The following EHF variants were observed in gnomAD, a reference collection of about 807,000 sequenced individuals.
EHF encodes ETS homologous factor, also known as ESE3 transcription factor.
Under a neutral mutation model 45.1 loss-of-function variants are expected in EHF, and 14 were observed. The observed-to-expected ratio is 0.31, with a 90% CI of 0.21 to 0.49. The LOEUF (loss-of-function observed/expected upper bound fraction) is 0.49, where lower values mean the gene tolerates loss of function less well. Among genes scored for constraint, EHF ranks in the 20% least tolerant of loss-of-function variants. EHF has a pLI of 0.99. For synonymous variants in EHF, 136 were observed against 131.8 expected (o/e 1.03, Z -0.22); for missense variants, 282 against 371.4 (o/e 0.76, Z 1.98).
chr11:34,646,336 T>C, intron 2 of EHF, 103 bp from the exon 3 acceptor site: 1 of 1,545,908 alleles, frequency 6.5e-7, no homozygotes. Context: ...CGGACTGTGG[T>C]TGTGTCTCTG....
chr11:34,632,473 C>T, intron 1 of EHF: 4 of 1,518,190 alleles, frequency 2.6e-6, no homozygotes, highest in Non-Finnish European at 3.5e-6. Context: ...CAACCCACTG[C>T]TTTATTCTGC....
At chr11:34,645,319 C>CTTG (rs1565036701) in intron 2 of EHF, among the ~76,000 whole-genome samples, 8 of 152,276 alleles carry the variant, frequency 5.3e-5, no homozygotes, top group East Asian at 1.9e-4. Flanking sequence ...TCATTGGCAT[C>CTTG]TGAATGTACC....
chr11:34,628,296 T>C (rs1185623615), intron 1 of EHF, among the ~76,000 whole-genome samples: 1 of 152,168 alleles, frequency 6.6e-6, no homozygotes, highest in East Asian at 1.9e-4. Flanking sequence ...CATAATATGA[T>C]ATCACACATT....
At chr11:34,627,388 C>T (rs1852474175) in intron 1 of EHF, among the ~76,000 whole-genome samples, 1 of 152,048 alleles carries the variant, frequency 6.6e-6, no homozygotes, top group African/African-American at 2.4e-5. Context: ...TAGGGACCTG[C>T]AGAAAATACT....
In EHF at chr11:34,658,529, T is replaced by A. The variant is rs994665794; in HGVS notation, c.608-4T>A. On this transcript the variant is annotated splice_region_variant and splice_polypyrimidine_tract_variant and intron_variant, in intron 7 of 8. Coordinates refer to ENST00000257831, the MANE Select transcript of EHF (RefSeq NM_012153.6). ...TAGTAACCTGCCTTTCTGCTTTTCATCAGACCCGAGAGGGACTCACTTATG... is the reference window on the plus strand; with the variant it reads ...TAGTAACCTGCCTTTCTGCTTTTCAACAGACCCGAGAGGGACTCACTTATG... 3 of 1,609,786 alleles carry A rather than the reference T, an allele frequency of 1.9e-6. No homozygotes were observed. The highest frequency in any genetic ancestry group is 2.5e-6 in the Non-Finnish European group (3 of 1,177,380).
intron 7 of EHF, 54 bp from the exon 8 acceptor site, chr11:34,658,479 C>CT (rs1855862786): frequency 6.0e-6 from 9 of 1,493,216 alleles, no homozygotes; most frequent in Non-Finnish European, 8.3e-6. Context: ...GCTCTCTGCC[C>CT]TATCTTTGCT....
In EHF at chr11:34,659,070, G is replaced by T; in HGVS notation, c.*139G>T. ...GGGGAACAAGAAACTACTTCTAACG[G>T]GAAGAAGAAACACTACGGTCGATTA... On this transcript the variant is annotated 3_prime_UTR_variant, in exon 9 of 9. Coordinates refer to ENST00000257831, the MANE Select transcript of EHF (RefSeq NM_012153.6). 1.6e-6 allele frequency: 1 copy of T among 642,442 alleles called. No individual in the cohort carries two copies. Among genetic ancestry groups the T allele is most frequent in the Non-Finnish European group, 2.6e-6 (1 of 387,898 alleles). The allele number at this position is 642,442 out of a possible 1,614,324, so 39.8% of individuals were successfully genotyped here.
chr11:34,651,418 C>T, intron 4 of EHF, 124 bp from the exon 5 acceptor site: 1 of 736,842 alleles, frequency 1.4e-6, no homozygotes. Flanking sequence ...GAATCATATC[C>T]CTTGTCTCTG....
At chr11:34,632,777 G>T in intron 1 of EHF, 1 of 1,181,612 alleles carries the variant, frequency 8.5e-7, no homozygotes, top group East Asian at 2.6e-5. Context: ...TATTTTGGAA[G>T]CCGTGTCCTT....
intron 1 of EHF, chr11:34,632,725 A>C (rs1487753501): frequency 4.0e-6 from 6 of 1,500,792 alleles, no homozygotes; most frequent in Non-Finnish European, 9.0e-7. Context: ...TCACAACAGG[A>C]GGTGGGGAAT....
Position 34,635,807 on chromosome 11 carries a change from C to A in EHF, c.-3-6821C>A, listed in dbSNP as rs568999800. Among the ~76,000 whole-genome samples, 4 of 150,534 alleles carry A rather than the reference C, an allele frequency of 2.7e-5. No homozygotes were observed. The South Asian group carries it at 8.5e-4, about 32-fold the overall frequency. ...GCATATGCCTTACCACTGTTCTTGG[C>A]AGCCTTGGCAATGTGTCTAGTGAGA... On this transcript the variant is annotated intron_variant, in intron 1 of 8. Coordinates refer to ENST00000257831, the MANE Select transcript of EHF (RefSeq NM_012153.6).
At chr11:34,641,315 G>A (rs919884632) in intron 1 of EHF, among the ~76,000 whole-genome samples, 53 of 152,272 alleles carry the variant, frequency 3.5e-4, no homozygotes, top group African/African-American at 1.2e-3. Context: ...CCAGCACCTA[G>A]AATAGTGCCC....
At chr11:34,652,040 T>A (rs1379449507) in intron 6 of EHF, among the ~76,000 whole-genome samples, 1 of 152,224 alleles carries the variant, frequency 6.6e-6, no homozygotes, top group Non-Finnish European at 1.5e-5. Context: ...GTCACTCTGT[T>A]GTGACAATAA....
intron 1 of EHF, among the ~76,000 whole-genome samples, chr11:34,641,832 C>T (rs1854031826): frequency 1.3e-5 from 2 of 152,072 alleles, no homozygotes; most frequent in Admixed American, 6.6e-5. Flanking sequence ...CCCAAACAGG[C>T]CCATGGAAGA....
intron 2 of EHF, among the ~76,000 whole-genome samples, chr11:34,643,094 G>GTA (rs1314606483): frequency 6.6e-6 from 1 of 151,782 alleles, no homozygotes; most frequent in Non-Finnish European, 1.5e-5. Context: ...GTGTGTGTGT[G>GTA]TGTATGTGCG....
intron 1 of EHF, among the ~76,000 whole-genome samples, chr11:34,636,502 T>A (rs1853417873): frequency 6.6e-6 from 1 of 152,208 alleles, no homozygotes; most frequent in Admixed American, 6.5e-5. Context: ...GCATAGACAT[T>A]GACTAGACAC....
intron 1 of EHF, among the ~76,000 whole-genome samples, chr11:34,633,323 A>G (rs922717832): frequency 6.6e-6 from 1 of 152,222 alleles, no homozygotes; most frequent in Non-Finnish European, 1.5e-5. Context: ...CTCTAACTTT[A>G]TAAGGACTTG....
At chr11:34,634,437 G>A (rs530691935) in intron 1 of EHF, among the ~76,000 whole-genome samples, 4 of 152,226 alleles carry the variant, frequency 2.6e-5, no homozygotes, top group Admixed American at 6.5e-5. Context: ...GGCAGTTTGG[G>A]GATAATGTGG....
chr11:34,637,979 G>A (rs560648733), intron 1 of EHF, among the ~76,000 whole-genome samples: 4 of 150,544 alleles, frequency 2.7e-5, no homozygotes, highest in East Asian at 3.9e-4. Flanking sequence ...TCGGCTCGCT[G>A]CAACCTCTGA....
Sources: allele counts gnomAD v4.1 joint callset (sites outside exome capture counted in the v4.1 genomes callset), GRCh38; gene constraint gnomAD v4.1.1; transcripts MANE v1.5; gene names NCBI Gene and HGNC (gene_info 2026-07-23, HGNC 2026-07-21).